The following CFAP299 variants were observed in gnomAD, a reference collection of about 807,000 sequenced individuals.
CFAP299 encodes cilia and flagella associated protein 299, also known as cilia- and flagella-associated protein 299.
A neutral mutation model predicts 27.0 loss-of-function variants in CFAP299; 21 were observed. The ratio of observed to expected loss-of-function variants is 0.78; its 90% CI spans 0.55 to 1.12. The LOEUF (loss-of-function observed/expected upper bound fraction) is 1.12. Among genes scored for constraint, CFAP299 ranks in the 50% most tolerant of loss-of-function variants. CFAP299 has a pLI of 0.00. For synonymous variants in CFAP299, 104 were observed against 98.1 expected, an observed-to-expected ratio of 1.06 and a Z score of -0.36; for missense variants, 310 against 276.6, an observed-to-expected ratio of 1.12 and a Z score of -0.86.
At chr4:80,522,111 T>G (rs1343552058) in intron 2 of CFAP299, among the ~76,000 whole-genome samples, 5 of 152,088 alleles carry the variant, frequency 3.3e-5, no homozygotes, top group Admixed American at 2.6e-4. Flanking sequence ...CCAAGTATTC[T>G]ACGTCTTCAC....
chr4:80,878,567 C>A (rs1375982531), intron 4 of CFAP299, among the ~76,000 whole-genome samples: 2 of 152,018 alleles, frequency 1.3e-5, no homozygotes, highest in African/African-American at 2.4e-5. Context: ...AAATTTAATA[C>A]CTAAACTAGT....
At chr4:80,790,682 C>T (rs958964381) in intron 3 of CFAP299, among the ~76,000 whole-genome samples, 5 of 151,890 alleles carry the variant, frequency 3.3e-5, no homozygotes, top group African/African-American at 1.2e-4. Context: ...GAATTCCAGC[C>T]CCTAGAACAC....
intron 2 of CFAP299, among the ~76,000 whole-genome samples, chr4:80,447,229 G>A (rs1728680755): frequency 7.2e-6 from 1 of 138,574 alleles, no homozygotes; most frequent in Admixed American, 7.4e-5. Context: ...TCCGCCTCCC[G>A]GGTTCACGCC....
At chr4:80,963,403 A>G (rs1738441501) in intron 5 of CFAP299, 114 bp from the exon 6 acceptor site, 2 of 662,108 alleles carry the variant, frequency 3.0e-6, no homozygotes, top group Admixed American at 3.1e-5. Context: ...CTCCGTGGAA[A>G]CAAACTTGCT....
chr4:80,958,098 C>T (rs963458421), intron 5 of CFAP299, among the ~76,000 whole-genome samples: 1 of 152,022 alleles, frequency 6.6e-6, no homozygotes, highest in African/African-American at 2.4e-5. Flanking sequence ...AAACTCTGTC[C>T]GTAAGATTTC....
At chr4:80,752,291 C>G (rs1433939808) in intron 3 of CFAP299, among the ~76,000 whole-genome samples, 2 of 151,740 alleles carry the variant, frequency 1.3e-5, no homozygotes, top group South Asian at 2.1e-4. Flanking sequence ...TTCACTTGCC[C>G]CTTTTCATTC....
intron 3 of CFAP299, among the ~76,000 whole-genome samples, chr4:80,621,252 A>C (rs1337174284): frequency 1.8e-4 from 28 of 152,084 alleles, no homozygotes; most frequent in Admixed American, 1.4e-3. Context: ...CCCAATGGGT[A>C]GGCTTGGACT....
intron 4 of CFAP299, among the ~76,000 whole-genome samples, chr4:80,940,716 A>C (rs527267959): frequency 6.6e-6 from 1 of 152,226 alleles, no homozygotes; most frequent in East Asian, 1.9e-4. Flanking sequence ...GAGTTTTTTC[A>C]GTTTATTTTC....
intron 3 of CFAP299, among the ~76,000 whole-genome samples, chr4:80,744,526 G>A (rs1724473773): frequency 1.3e-5 from 2 of 151,816 alleles, no homozygotes; most frequent in African/African-American, 4.8e-5. Flanking sequence ...CATGTGAAGG[G>A]GTGACTTATT....
intron 4 of CFAP299, among the ~76,000 whole-genome samples, chr4:80,890,378 T>A (rs1371774633): frequency 6.6e-6 from 1 of 152,122 alleles, no homozygotes; most frequent in Non-Finnish European, 1.5e-5. Flanking sequence ...CCATTTACAA[T>A]AGCCACAAAT....
intron 2 of CFAP299, among the ~76,000 whole-genome samples, chr4:80,374,267 C>T (rs1343449034): frequency 1.3e-5 from 2 of 152,168 alleles, no homozygotes; most frequent in Non-Finnish European, 2.9e-5. Context: ...CTTGTTGGTA[C>T]AAGTCCTAGG....
At chr4:80,471,726 CAT>C (rs757272907) in intron 2 of CFAP299, among the ~76,000 whole-genome samples, 8 of 152,072 alleles carry the variant, frequency 5.3e-5, no homozygotes, top group Non-Finnish European at 1.0e-4. Flanking sequence ...GGATTATTAA[CAT>C]GTGAAATAAG....
At chr4:80,900,865 T>C (rs895877540) in intron 4 of CFAP299, among the ~76,000 whole-genome samples, 1 of 151,924 alleles carries the variant, frequency 6.6e-6, no homozygotes, top group Non-Finnish European at 1.5e-5. Flanking sequence ...TTTATAAAAA[T>C]TAATAATAAT....
chr4:80,841,798 T>C (rs1203202340), intron 3 of CFAP299, among the ~76,000 whole-genome samples: 1 of 152,090 alleles, frequency 6.6e-6, no homozygotes, highest in East Asian at 1.9e-4. Flanking sequence ...TGTTAAATAT[T>C]GTCTTATGTG....
At chr4:80,688,028 C>G (rs904988567) in intron 3 of CFAP299, among the ~76,000 whole-genome samples, 1 of 152,226 alleles carries the variant, frequency 6.6e-6, no homozygotes, top group Non-Finnish European at 1.5e-5. Flanking sequence ...GCACCTGGCT[C>G]GGAGGGTCCT....
intron 3 of CFAP299, among the ~76,000 whole-genome samples, chr4:80,815,184 T>C (rs1199967193): frequency 2.0e-5 from 3 of 151,662 alleles, no homozygotes; most frequent in African/African-American, 7.3e-5. Flanking sequence ...AAAAGATGAA[T>C]TTACAAGTAC....
chr4:80,594,568 G>A (rs1736958966), intron 3 of CFAP299, among the ~76,000 whole-genome samples: 1 of 151,674 alleles, frequency 6.6e-6, no homozygotes, highest in African/African-American at 2.4e-5. Flanking sequence ...GAATAATCTT[G>A]CTTTATATGT....
rs570623008 is a variant in CFAP299 at position 80,612,758 on chromosome 4, C to G, written c.333+29575C>G. Among the ~76,000 whole-genome samples the G allele has an allele frequency of 1.2e-3, 184 of 152,162 alleles. 4 individuals carry two copies. In the South Asian group the frequency reaches 0.025, roughly 21 times the overall value. On this transcript the variant is annotated intron_variant, in intron 3 of 5. Coordinates refer to ENST00000358105, the MANE Select transcript of CFAP299 (RefSeq NM_152770.3). The stretch of plus-strand genomic sequence containing the variant: ...ACATAGTTTGAAATTAATTAAGTAG[C>G]TCAGAATGCCTTTGAACTCTGAATT...
chr4:80,729,592 C>CTTTTTTTTTTT (rs34745276), intron 3 of CFAP299, among the ~76,000 whole-genome samples: 1 of 64,318 alleles, frequency 1.6e-5, no homozygotes, highest in African/African-American at 5.8e-5. Context: ...GCTTCAGCAT[C>CTTTTTTTTTTT]TTTTTTTTTT....
Sources: allele counts gnomAD v4.1 joint callset (sites outside exome capture counted in the v4.1 genomes callset), GRCh38; gene constraint gnomAD v4.1.1; transcripts MANE v1.5; gene names NCBI Gene and HGNC (gene_info 2026-07-23, HGNC 2026-07-21).